Variants in EPHA4 observed in about 807,000 individuals in gnomAD.
EPHA4 encodes ephrin type-A receptor 4.
A neutral mutation model predicts 108.3 loss-of-function variants in EPHA4; 19 were observed. That is an observed-to-expected ratio of 0.18 (90% CI 0.12 to 0.26). The LOEUF (loss-of-function observed/expected upper bound fraction) is 0.26, where lower values mean the gene tolerates loss of function less well. Ranked by LOEUF, EPHA4 falls within the 10% of genes least tolerant of loss-of-function variation. The probability of loss-of-function intolerance (pLI) is 1.00; values close to 1 mark genes in which losing one functional copy is unlikely to be tolerated. For synonymous variants in EPHA4, 449 were observed against 455.5 expected, an observed-to-expected ratio of 0.99 and a Z score of 0.18; for missense variants, 917 against 1,254.0, an observed-to-expected ratio of 0.73 and a Z score of 4.06.
At chr2:221,471,493 T>A (rs1266412640) in intron 5 of EPHA4, among the ~76,000 whole-genome samples, 2 of 152,176 alleles carry the variant, frequency 1.3e-5, no homozygotes, top group Admixed American at 6.5e-5. Context: ...GAGGAAGTTA[T>A]TGGAAGTTAA....
intron 4 of EPHA4, among the ~76,000 whole-genome samples, chr2:221,496,569 G>C (rs1434858025): frequency 6.6e-6 from 1 of 152,106 alleles, no homozygotes; most frequent in East Asian, 1.9e-4. Flanking sequence ...GAAGTCTTCA[G>C]AGGCTTATGC....
At chr2:221,547,578 A>G (rs1694034899) in intron 3 of EPHA4, among the ~76,000 whole-genome samples, 1 of 152,228 alleles carries the variant, frequency 6.6e-6, no homozygotes, top group African/African-American at 2.4e-5. Context: ...AGGCCGTTCA[A>G]AATAACACAA....
Position 221,563,712 on chromosome 2 carries a change from G to T in EPHA4, c.823+19C>A. On this transcript the variant is annotated intron_variant, in intron 3 of 17. Coordinates refer to ENST00000281821, the MANE Select transcript of EPHA4 (RefSeq NM_004438.5). ...CGCACTAAGCCCCAGTGAAAAAACTGCAATATGGACCCTCTTACCTTGGCA... is the reference window on the plus strand; with the variant it reads ...CGCACTAAGCCCCAGTGAAAAAACTTCAATATGGACCCTCTTACCTTGGCA... The T allele has an allele frequency of 6.2e-7, 1 of 1,609,246 alleles. No homozygotes were observed. The highest frequency in any genetic ancestry group is 8.5e-7 in the Non-Finnish European group (1 of 1,177,100).
chr2:221,495,707 G>A (rs1023758726), intron 4 of EPHA4, among the ~76,000 whole-genome samples: 5 of 152,138 alleles, frequency 3.3e-5, no homozygotes, highest in African/African-American at 9.7e-5. Context: ...CTCCAGCAGC[G>A]TCAATGGTGC....
At chr2:221,436,301 T>TA in intron 13 of EPHA4, 98 bp downstream of exon 13, 1 of 1,189,462 alleles carries the variant, frequency 8.4e-7, no homozygotes, top group Non-Finnish European at 1.2e-6. Flanking sequence ...TGAGAAAACT[T>TA]AAAAAATAAA....
chr2:221,449,340 C>T (rs1416493147), intron 8 of EPHA4, among the ~76,000 whole-genome samples: 1 of 152,188 alleles, frequency 6.6e-6, no homozygotes, highest in East Asian at 1.9e-4. Context: ...CTGCAGGAAG[C>T]CACACTGCCT....
chr2:221,561,878 T>A (rs185906833), intron 3 of EPHA4, among the ~76,000 whole-genome samples: 172 of 152,304 alleles, frequency 1.1e-3, no homozygotes, highest in African/African-American at 3.7e-3. Flanking sequence ...GTTGTTTTTT[T>A]AAAAATATAT....
chr2:221,476,043 A>G (rs1248508135), intron 5 of EPHA4, among the ~76,000 whole-genome samples: 1 of 152,010 alleles, frequency 6.6e-6, no homozygotes. Flanking sequence ...AACATGGAAA[A>G]CCCCATCTCT....
intron 3 of EPHA4, among the ~76,000 whole-genome samples, chr2:221,522,524 G>A (rs895489769): frequency 2.0e-5 from 3 of 152,072 alleles, no homozygotes; most frequent in African/African-American, 7.2e-5. Flanking sequence ...ACAGGGATTT[G>A]AACACTAAGT....
rs762933332 is a variant in EPHA4, at chr2:221,563,862, C to A, written c.692G>T (p.Gly231Val). The A allele has an allele frequency of 1.2e-6, 2 of 1,614,176 alleles. No homozygotes were observed. Among genetic ancestry groups the A allele is most frequent in the Non-Finnish European group, 8.5e-7 (1 of 1,180,040 alleles). ...CTCTTCTGAGTTGTTGACACAGGAG[C>A]CTCGAACTTCCACCAGGGAAGACGT... is the stretch of plus-strand genomic sequence containing the variant. ...ADTSSLVEVR[G>V]SCVNNSEEKD... is the part of the protein sequence containing the mutation. The change falls in exon 3 of 18, where the codon GGC becomes GTC. Residue 231 changes from glycine to valine, a missense_variant. This residue lies in a region of EPHA4 where 758 missense variants were observed against 1,076.7 expected (regional missense o/e 0.70). Transcript: ENST00000281821.
intron 8 of EPHA4, among the ~76,000 whole-genome samples, chr2:221,453,255 T>C (rs1006767788): frequency 3.3e-5 from 5 of 152,232 alleles, no homozygotes; most frequent in African/African-American, 1.2e-4. Context: ...TCATGAATTG[T>C]ATCTGTTTTT....
At chr2:221,430,785 G>A (rs1381787492) in intron 14 of EPHA4, among the ~76,000 whole-genome samples, 1 of 152,060 alleles carries the variant, frequency 6.6e-6, no homozygotes, top group Non-Finnish European at 1.5e-5. Context: ...TTAGTAAGTA[G>A]ATTTTTTTTA....
chr2:221,448,319 A>G (rs3770185), intron 8 of EPHA4, among the ~76,000 whole-genome samples: 2 of 151,880 alleles, frequency 1.3e-5, no homozygotes, highest in African/African-American at 4.8e-5. Flanking sequence ...GCCCTGATCC[A>G]GCCCACGACT....
Position 221,425,987 on chromosome 2 carries a change from GTAAAC to G in EPHA4, c.*36_*40del, listed in dbSNP as rs1397083251. 6.5e-7 allele frequency: 1 copy of G among 1,543,516 alleles called. No individual in the cohort carries two copies. The highest frequency in any genetic ancestry group is 1.4e-5 in the African/African-American group (1 of 73,460). On this transcript the variant is annotated 3_prime_UTR_variant, in exon 17 of 18. Transcript: ENST00000281821. The stretch of plus-strand genomic sequence containing the variant: ...TCTTCAATTAAAGTGCATGGATGAG[GTAAAC>G]TAATTTCAAGAGTTTTGAGTTTATT...
At chr2:221,496,505 T>C (rs2106153529) in intron 4 of EPHA4, among the ~76,000 whole-genome samples, 1 of 152,344 alleles carries the variant, frequency 6.6e-6, no homozygotes, top group Non-Finnish European at 1.5e-5. Flanking sequence ...GACTTACGAC[T>C]ATATCTATTA....
chr2:221,551,119 G>A (rs1694146107), intron 3 of EPHA4, among the ~76,000 whole-genome samples: 4 of 151,888 alleles, frequency 2.6e-5, no homozygotes, highest in Admixed American at 2.6e-4. Context: ...TGAAATAAGA[G>A]GCTTAATTTT....
At chr2:221,568,673 C>T in intron 2 of EPHA4, 45 bp downstream of exon 2, 1 of 1,525,226 alleles carries the variant, frequency 6.6e-7, no homozygotes, top group Non-Finnish European at 9.0e-7. Flanking sequence ...AGTTGCTAAT[C>T]ACTCCTTTTT....
intron 5 of EPHA4, among the ~76,000 whole-genome samples, chr2:221,479,046 A>T (rs548179019): frequency 1.3e-5 from 2 of 152,218 alleles, no homozygotes; most frequent in Non-Finnish European, 2.9e-5. Context: ...GTGAGAACAC[A>T]GGCCCATTCA....
intron 3 of EPHA4, among the ~76,000 whole-genome samples, chr2:221,554,519 A>C (rs1694252025): frequency 6.6e-6 from 1 of 152,192 alleles, no homozygotes; most frequent in Admixed American, 6.5e-5. Flanking sequence ...TTGCCTTCCC[A>C]TTCTAGAAGG....
Sources: gnomAD v4.1 joint callset for allele counts (sites outside exome capture counted in the v4.1 genomes callset) on GRCh38, gnomAD v4.1.1 for gene constraint, gnomAD v4.1.1 regional missense constraint, MANE v1.5 for transcripts, NCBI Gene and HGNC (gene_info 2026-07-23, HGNC 2026-07-21) for gene names.